Variants in CHSY3 observed in about 807,000 individuals in gnomAD.
CHSY3 encodes the protein chondroitin sulfate synthase 3, also known as N-acetylgalactosaminyl-proteoglycan 3-beta-glucuronosyltransferase 3.
In CHSY3, 35 loss-of-function variants were observed where a neutral mutation model predicts 67.2. The observed-to-expected ratio is 0.52, with a 90% CI of 0.40 to 0.69. CHSY3 has a LOEUF of 0.69. CHSY3 is among the 30% of genes least tolerant of loss of function. CHSY3 has a pLI of 0.00. For synonymous variants in CHSY3, 474 were observed against 434.7 expected (o/e 1.09, Z -1.12); for missense variants, 1,069 against 1,138.5 (o/e 0.94, Z 0.88).
chr5:129,938,525 A>G (rs1360246286), intron 2 of CHSY3, among the ~76,000 whole-genome samples: 2 of 152,152 alleles, frequency 1.3e-5, no homozygotes, highest in Non-Finnish European at 2.9e-5. Flanking sequence ...CTCTTTGTTC[A>G]TGCATATGAG....
At chr5:130,045,799 A>T (rs759104036) in intron 2 of CHSY3, among the ~76,000 whole-genome samples, 1 of 152,142 alleles carries the variant, frequency 6.6e-6, no homozygotes, top group Non-Finnish European at 1.5e-5. Context: ...ATATCAGCAA[A>T]CATGAACACC....
At chr5:129,971,269 CAATT>C (rs1270442583) in intron 2 of CHSY3, among the ~76,000 whole-genome samples, 2 of 151,322 alleles carry the variant, frequency 1.3e-5, no homozygotes, top group South Asian at 2.1e-4. Flanking sequence ...AATAGATATT[CAATT>C]AATTAGTCAA....
chr5:129,919,316 A>T (rs1760840509), intron 2 of CHSY3, among the ~76,000 whole-genome samples: 1 of 152,152 alleles, frequency 6.6e-6, no homozygotes, highest in Non-Finnish European at 1.5e-5. Flanking sequence ...AAATGTGCAA[A>T]TAGATGCAAA....
chr5:130,147,929 G>T (rs565619622), intron 2 of CHSY3, among the ~76,000 whole-genome samples: 4 of 152,152 alleles, frequency 2.6e-5, no homozygotes, highest in African/African-American at 9.7e-5. Context: ...ATGGGGGGTT[G>T]TTGTACAGAT....
intron 2 of CHSY3, among the ~76,000 whole-genome samples, chr5:129,985,093 G>T (rs981451825): frequency 3.9e-5 from 6 of 152,156 alleles, no homozygotes; most frequent in African/African-American, 1.2e-4. Context: ...TGAAGTCTTT[G>T]CCAGGGCTAG....
chr5:130,051,656 T>C (rs893916567), intron 2 of CHSY3, among the ~76,000 whole-genome samples: 1 of 151,910 alleles, frequency 6.6e-6, no homozygotes, highest in Admixed American at 6.6e-5. Flanking sequence ...ATCAGACATT[T>C]GAGGAAAGGA....
chr5:130,147,078 G>A (rs1769096491), intron 2 of CHSY3, among the ~76,000 whole-genome samples: 4 of 152,202 alleles, frequency 2.6e-5, no homozygotes, highest in African/African-American at 9.7e-5. Context: ...ACAGGCATGA[G>A]CCACTGTGCC....
At chr5:129,988,401 A>C (rs192305814) in intron 2 of CHSY3, among the ~76,000 whole-genome samples, 1 of 152,318 alleles carries the variant, frequency 6.6e-6, no homozygotes, top group East Asian at 1.9e-4. Flanking sequence ...ATTTATAAAC[A>C]CTGGTAAAGA....
At position 129,943,001 on chromosome 5, in the gene CHSY3, T is replaced by C. The variant is rs1761743713; in HGVS notation, c.1086+34641T>C. Among the ~76,000 whole-genome samples, 3 of 152,212 alleles carry C rather than the reference T, an allele frequency of 2.0e-5. No individual in the cohort carries two copies. The South Asian group carries it at 6.2e-4, about 32-fold the overall frequency. ...CTGAAAGTTTTCCACAAAAGTTATA[T>C]ATTTTTTTATCTTGATGATAATGAA... On this transcript the variant is annotated intron_variant, in intron 2 of 2. Coordinates refer to ENST00000305031, the MANE Select transcript of CHSY3 (RefSeq NM_175856.5).
intron 2 of CHSY3, among the ~76,000 whole-genome samples, chr5:129,955,575 T>G (rs1762147653): frequency 6.6e-6 from 1 of 151,822 alleles, no homozygotes; most frequent in African/African-American, 2.4e-5. Context: ...ACTTTTAAGT[T>G]CAGGGGTACA....
At chr5:130,110,181 T>C (rs1183487093) in intron 2 of CHSY3, among the ~76,000 whole-genome samples, 2 of 151,862 alleles carry the variant, frequency 1.3e-5, no homozygotes, top group African/African-American at 4.8e-5. Context: ...TTGTAGTGAC[T>C]TCAGAAATGA....
At chr5:130,091,132 A>ACG (rs1554082148) in intron 2 of CHSY3, among the ~76,000 whole-genome samples, 6 of 116,610 alleles carry the variant, frequency 5.1e-5, no homozygotes, top group African/African-American at 2.1e-4. Context: ...ACACACACAC[A>ACG]CACGCACACG....
At position 130,069,993 on chromosome 5, in the gene CHSY3, G is replaced by A. The variant is rs111594853; in HGVS notation, c.1087-114236G>A. On this transcript the variant is annotated intron_variant, in intron 2 of 2. Transcript: ENST00000305031. ...ATTTATCTTAAATAACATTTTTAAC[G>A]AAACTTATAAGATATAGGCATATAT... Among the ~76,000 whole-genome samples the A allele has an allele frequency of 6.8e-3, 1,035 of 151,890 alleles. 9 individuals are homozygous for A. The highest frequency in any genetic ancestry group is 0.022 in the African/African-American group (931 of 41,486).
chr5:130,071,987 A>G (rs938891867), intron 2 of CHSY3, among the ~76,000 whole-genome samples: 15 of 152,072 alleles, frequency 9.9e-5, no homozygotes, highest in Admixed American at 6.6e-4. Context: ...TTAGCCATTC[A>G]TGTCTCTTTT....
intron 2 of CHSY3, among the ~76,000 whole-genome samples, chr5:129,986,952 C>T (rs1263502608): frequency 6.6e-6 from 1 of 152,076 alleles, no homozygotes; most frequent in Non-Finnish European, 1.5e-5. Context: ...CACAAGTTTT[C>T]TTATTAATGA....
intron 2 of CHSY3, among the ~76,000 whole-genome samples, chr5:130,039,957 T>C (rs745414072): frequency 6.6e-6 from 1 of 152,126 alleles, no homozygotes; most frequent in Non-Finnish European, 1.5e-5. Context: ...TGTGTCTAAG[T>C]TGCTTAAATT....
intron 2 of CHSY3, among the ~76,000 whole-genome samples, chr5:130,103,598 T>G (rs1383617951): frequency 2.0e-5 from 3 of 152,020 alleles, no homozygotes; most frequent in Admixed American, 1.3e-4. Context: ...AATATCTCAC[T>G]GTTGGCAGAA....
At chr5:129,933,401 A>T (rs899652963) in intron 2 of CHSY3, among the ~76,000 whole-genome samples, 4 of 152,206 alleles carry the variant, frequency 2.6e-5, no homozygotes, top group African/African-American at 9.6e-5. Context: ...TTGGAAATAC[A>T]CAAGCAGTTA....
At chr5:129,972,254 C>T (rs1381478210) in intron 2 of CHSY3, among the ~76,000 whole-genome samples, 1 of 151,988 alleles carries the variant, frequency 6.6e-6, no homozygotes, top group African/African-American at 2.4e-5. Flanking sequence ...ATTTTCCACT[C>T]TGTCTAAATG....
Sources: gnomAD v4.1 joint callset for allele counts (sites outside exome capture counted in the v4.1 genomes callset) on GRCh38, gnomAD v4.1.1 for gene constraint, MANE v1.5 for transcripts, NCBI Gene and HGNC (gene_info 2026-07-23, HGNC 2026-07-21) for gene names.